Variants in ARHGAP24 observed in about 807,000 individuals in gnomAD.
ARHGAP24 encodes the protein Rho GTPase activating protein 24.
In ARHGAP24, 50 loss-of-function variants were observed where a neutral mutation model predicts 76.4. The observed-to-expected ratio is 0.65, with a 90% confidence interval of 0.52 to 0.83. The LOEUF (loss-of-function observed/expected upper bound fraction) is 0.83. Ranked by LOEUF, ARHGAP24 falls within the 40% of genes least tolerant of loss-of-function variation. The pLI, the probability that ARHGAP24 is intolerant of heterozygous loss-of-function variation, is 0.00. For synonymous variants in ARHGAP24, 345 were observed against 323.3 expected, an observed-to-expected ratio of 1.07 and a Z score of -0.72; for missense variants, 930 against 914.2, an observed-to-expected ratio of 1.02 and a Z score of -0.22.
rs900544045 is a variant in ARHGAP24, at chr4:85,755,885, G to C, written c.268+33913G>C. ...TGACTTCAGGTGATCTGCCCGCCTG[G>C]GCCTCCCAAAGTGCTGGGAGTACAG... On this transcript the variant is annotated intron_variant, in intron 3 of 9. Transcript: ENST00000395184. 2.6e-5 allele frequency among the ~76,000 whole-genome samples: 4 copies of C among 152,032 alleles called. No individual in the cohort carries two copies. The East Asian group carries it at 7.7e-4, about 29-fold the overall frequency.
At chr4:85,679,939 C>G (rs1482099) in intron 2 of ARHGAP24, among the ~76,000 whole-genome samples, 57 of 152,162 alleles carry the variant, frequency 3.7e-4, no homozygotes, top group Admixed American at 2.1e-3. Context: ...TTCTACCCAA[C>G]TGCACTTTCT....
chr4:85,586,046 C>G (rs1727844137), intron 2 of ARHGAP24, among the ~76,000 whole-genome samples: 1 of 152,180 alleles, frequency 6.6e-6, no homozygotes, highest in Non-Finnish European at 1.5e-5. Context: ...CATTCTCTCT[C>G]TCAGAAAATG....
At chr4:85,477,947 C>G (rs1314563766) in intron 1 of ARHGAP24, among the ~76,000 whole-genome samples, 2 of 152,180 alleles carry the variant, frequency 1.3e-5, no homozygotes, top group African/African-American at 4.8e-5. Context: ...GGGTTCTTTT[C>G]TCATGAATTG....
chr4:85,533,641 A>G (rs966711842), intron 1 of ARHGAP24, among the ~76,000 whole-genome samples: 3 of 152,200 alleles, frequency 2.0e-5, no homozygotes, highest in Non-Finnish European at 2.9e-5. Context: ...TTTGGATTAT[A>G]GGGTACTCTT....
intron 8 of ARHGAP24, chr4:85,991,911 C>T: frequency 2.7e-6 from 1 of 376,034 alleles, no homozygotes; most frequent in Non-Finnish European, 4.7e-6. Flanking sequence ...TATATTTTTG[C>T]ATTTACATAT....
At chr4:85,650,281 C>CAATT (rs1171516334) in intron 2 of ARHGAP24, among the ~76,000 whole-genome samples, 8 of 149,638 alleles carry the variant, frequency 5.3e-5, no homozygotes, top group Non-Finnish European at 1.0e-4. Flanking sequence ...AAAAGTCCAA[C>CAATT]AATTTTTCAC....
intron 2 of ARHGAP24, among the ~76,000 whole-genome samples, chr4:85,654,486 C>G (rs1174633347): frequency 6.6e-6 from 1 of 152,078 alleles, no homozygotes; most frequent in African/African-American, 2.4e-5. Flanking sequence ...AGGTTTTATA[C>G]CCTATTTTAC....
intron 3 of ARHGAP24, among the ~76,000 whole-genome samples, chr4:85,919,871 C>G (rs17011207): frequency 0.035 from 5,320 of 152,186 alleles, 220 homozygotes; most frequent in East Asian, 0.092. Context: ...GGGCCCGATA[C>G]TGTGGTATAA....
In ARHGAP24 at chr4:85,905,136, G is replaced by A. The variant is rs150381969; in HGVS notation, c.269-18512G>A. Among the ~76,000 whole-genome samples, 16 of 152,142 alleles carry A rather than the reference G, an allele frequency of 1.1e-4. No individual in the cohort carries two copies. In the East Asian group the frequency reaches 3.1e-3, roughly 29 times the overall value. Reference sequence around the variant, plus strand: ...AACATTAGAGCAGTCTGGATATAGGGGTACAGATAGGGTCAAAATCTAAGA... The same window carrying A: ...AACATTAGAGCAGTCTGGATATAGGAGTACAGATAGGGTCAAAATCTAAGA... On this transcript the variant is annotated intron_variant, in intron 3 of 9. Transcript: ENST00000395184.
At chr4:85,741,533 T>C (rs1380416647) in intron 3 of ARHGAP24, among the ~76,000 whole-genome samples, 1 of 152,224 alleles carries the variant, frequency 6.6e-6, no homozygotes, top group Non-Finnish European at 1.5e-5. Context: ...TTTTGTTCAC[T>C]TGGGCATGTG....
At chr4:85,494,919 A>C (rs1723500215) in intron 1 of ARHGAP24, among the ~76,000 whole-genome samples, 1 of 151,734 alleles carries the variant, frequency 6.6e-6, no homozygotes, top group Non-Finnish European at 1.5e-5. Flanking sequence ...CAACATAGTG[A>C]AACTCCGTCT....
chr4:85,811,283 C>T (rs1729000606), intron 3 of ARHGAP24, among the ~76,000 whole-genome samples: 1 of 152,118 alleles, frequency 6.6e-6, no homozygotes, highest in Non-Finnish European at 1.5e-5. Context: ...ATTTTAAATA[C>T]AAAGATTAAA....
At chr4:85,555,945 G>C (rs1356416091) in intron 1 of ARHGAP24, among the ~76,000 whole-genome samples, 1 of 152,182 alleles carries the variant, frequency 6.6e-6, no homozygotes, top group African/African-American at 2.4e-5. Flanking sequence ...AAATCACTGA[G>C]AGTCTTTGCT....
intron 3 of ARHGAP24, among the ~76,000 whole-genome samples, chr4:85,877,176 TTC>T (rs1045146994): frequency 3.3e-5 from 5 of 152,208 alleles, no homozygotes; most frequent in African/African-American, 1.2e-4. Flanking sequence ...GTCTTTTGTA[TTC>T]TGTTAGCCTG....
intron 2 of ARHGAP24, among the ~76,000 whole-genome samples, chr4:85,670,593 A>T: frequency 6.6e-6 from 1 of 152,142 alleles, no homozygotes; most frequent in East Asian, 1.9e-4. Flanking sequence ...ACCAGAAAGG[A>T]GGGAGGGGGT....
At chr4:85,938,103 C>T (rs1055257908) in intron 4 of ARHGAP24, among the ~76,000 whole-genome samples, 6 of 152,124 alleles carry the variant, frequency 3.9e-5, no homozygotes, top group East Asian at 1.9e-4. Flanking sequence ...CTCTTGTGTG[C>T]GCCACTGGAA....
intron 1 of ARHGAP24, among the ~76,000 whole-genome samples, chr4:85,496,272 C>T (rs545085315): frequency 6.6e-6 from 1 of 152,172 alleles, no homozygotes; most frequent in African/African-American, 2.4e-5. Context: ...CTTTTCCTGC[C>T]GAAATCTGGG....
chr4:85,927,990 T>C (rs1736106190), intron 4 of ARHGAP24, among the ~76,000 whole-genome samples: 1 of 152,112 alleles, frequency 6.6e-6, no homozygotes, highest in Non-Finnish European at 1.5e-5. Flanking sequence ...GGCCTTTCCT[T>C]CAAATGAAAA....
intron 3 of ARHGAP24, among the ~76,000 whole-genome samples, chr4:85,870,176 A>G (rs569737308): frequency 6.6e-6 from 1 of 152,298 alleles, no homozygotes; most frequent in African/African-American, 2.4e-5. Flanking sequence ...GAGAACAATA[A>G]AAGGGCTCTA....
Sources: allele counts gnomAD v4.1 joint callset (sites outside exome capture counted in the v4.1 genomes callset), GRCh38; gene constraint gnomAD v4.1.1; transcripts MANE v1.5; gene names NCBI Gene and HGNC (gene_info 2026-07-23, HGNC 2026-07-21).